The following BEGAIN variants were observed in gnomAD, a reference collection of about 807,000 sequenced individuals.
BEGAIN encodes the protein brain enriched guanylate kinase associated.
A neutral mutation model predicts 35.8 loss-of-function variants in BEGAIN; 19 were observed. That is an observed-to-expected ratio of 0.53 (90% CI 0.37 to 0.78). The LOEUF (loss-of-function observed/expected upper bound fraction) is 0.78. BEGAIN is among the 30% of genes least tolerant of loss of function. BEGAIN has a pLI of 0.00. For synonymous variants in BEGAIN, 462 were observed against 388.6 expected (o/e 1.19, Z -2.22); for missense variants, 795 against 853.6 (o/e 0.93, Z 0.85).
chr14:100,562,979 G>T (rs2034398901), intron 2 of BEGAIN, among the ~76,000 whole-genome samples: 1 of 152,250 alleles, frequency 6.6e-6, no homozygotes. Context: ...GAGCAGCAGG[G>T]CCGGCTCACG....
rs2035451953 is a variant in BEGAIN, at chr14:100,586,683, G to A, written c.42+566C>T. On this transcript the variant is annotated intron_variant, in intron 1 of 6. Transcript: ENST00000554140. The surrounding 1 kb of genome is among the most constrained non-coding windows in gnomAD (Gnocchi z 4.9). ...AGTTTCCTCGCCTGTAAAGGGGCAG[G>A]AGGATAGTACCTGCCGCGAGGTACT... 6.6e-6 allele frequency among the ~76,000 whole-genome samples: 1 copy of A among 152,214 alleles called. No homozygotes were observed. Among genetic ancestry groups the A allele is most frequent in the African/African-American group, 2.4e-5 (1 of 41,472 alleles).
rs534760078 is a variant in BEGAIN, at chr14:100,577,595, G to A, written c.42+9654C>T. Reference sequence around the variant, plus strand: ...TCCAGGGTCCCAGGGTCCAGAACCCGCACAGTGACCTCATCCAGGAACCTG... The same window carrying A: ...TCCAGGGTCCCAGGGTCCAGAACCCACACAGTGACCTCATCCAGGAACCTG... On this transcript the variant is annotated intron_variant, in intron 1 of 6. Coordinates refer to ENST00000554140, the MANE Select transcript of BEGAIN (RefSeq NM_001385089.1). 58 of 399,080 alleles carry A rather than the reference G, an allele frequency of 1.5e-4. No individual in the cohort carries two copies. The South Asian group carries it at 6.5e-3, about 45-fold the overall frequency. 24.7% of individuals were successfully genotyped at this position (399,080 alleles called of 1,614,324 possible).
intron 2 of BEGAIN, chr14:100,550,658 A>ACTT (rs1008152976): frequency 1.6e-4 from 61 of 376,118 alleles, no homozygotes; most frequent in African/African-American, 1.2e-3. Context: ...TGCCAGGAAA[A>ACTT]CTTGTCATCT....
chr14:100,547,533 G>A (rs2032688961), intron 2 of BEGAIN: 1 of 152,296 alleles, frequency 6.6e-6, no homozygotes, highest in Admixed American at 6.5e-5. Flanking sequence ...AGGGTAGTGT[G>A]GGGGCCTCCA....
chr14:100,559,935 T>C (rs573808069), intron 2 of BEGAIN, among the ~76,000 whole-genome samples: 1 of 152,264 alleles, frequency 6.6e-6, no homozygotes, highest in East Asian at 1.9e-4. Flanking sequence ...AGAGCTGGGG[T>C]CACTGGTGGC....
At chr14:100,546,804 A>G (rs1406250375) in intron 2 of BEGAIN, 142 bp from the exon 3 acceptor site, 8 of 632,864 alleles carry the variant, frequency 1.3e-5, no homozygotes, top group Admixed American at 4.2e-5. Context: ...ACACACACAC[A>G]CACACACACT....
At chr14:100,576,232 C>T (rs967318171) in intron 1 of BEGAIN, among the ~76,000 whole-genome samples, 8 of 152,144 alleles carry the variant, frequency 5.3e-5, no homozygotes, top group African/African-American at 1.2e-4. Flanking sequence ...TCCCACCCAC[C>T]GGCCTGTCCC....
intron 2 of BEGAIN, among the ~76,000 whole-genome samples, chr14:100,564,436 C>T (rs535410714): frequency 1.1e-3 from 172 of 152,028 alleles, no homozygotes; most frequent in African/African-American, 4.0e-3. Context: ...CCCAGCAGCA[C>T]GCTGCAGGAG....
At chr14:100,578,195 G>C (rs1271870143) in intron 1 of BEGAIN, among the ~76,000 whole-genome samples, 1 of 152,234 alleles carries the variant, frequency 6.6e-6, no homozygotes, top group Non-Finnish European at 1.5e-5. Context: ...GCTAGAGAGG[G>C]GAAGGTCGTG....
intron 1 of BEGAIN, chr14:100,569,077 A>T: frequency 2.6e-6 from 1 of 382,724 alleles, no homozygotes; most frequent in Non-Finnish European, 3.6e-6. Flanking sequence ...GGCCTCGGCC[A>T]GGCTCGGCCA....
chr14:100,540,420 G>A, intron 6 of BEGAIN, 76 bp downstream of exon 6: 1 of 1,124,638 alleles, frequency 8.9e-7, no homozygotes, highest in Non-Finnish European at 1.3e-6. Context: ...ATGGGAAATG[G>A]CTTTGGGGTA....
In BEGAIN at chr14:100,567,077, G is replaced by A. The variant is rs181776207; in HGVS notation, c.71+834C>T. On this transcript the variant is annotated intron_variant, in intron 2 of 6. Coordinates refer to ENST00000554140, the MANE Select transcript of BEGAIN (RefSeq NM_001385089.1). This position sits in a 1 kb window ranked among gnomAD's most constrained non-coding sequence, Gnocchi z 5.1. ...GGCCTCGGGAGGGAGTGGCGAGGAC[G>A]GAGACCCTGTGGGCCAGGGGAGACA... is the stretch of plus-strand genomic sequence containing the variant. Among the ~76,000 whole-genome samples, 18 of 152,270 alleles carry A rather than the reference G, an allele frequency of 1.2e-4. No individual in the cohort carries two copies. The highest frequency in any genetic ancestry group is 4.6e-4 in the Admixed American group (7 of 15,308).
In BEGAIN at chr14:100,568,059, G is replaced by T. The variant is rs878946292; in HGVS notation, c.43-120C>A. ...CCCCGCGGGGCCCCGTCCGTGGGAA[G>T]CCCGGCGCCGCGCGTCCCCAGCTTC... On this transcript the variant is annotated intron_variant, in intron 1 of 6. Transcript: ENST00000554140. This position sits in a 1 kb window ranked among gnomAD's most constrained non-coding sequence, Gnocchi z 7.5. 5.6e-5 allele frequency: 62 copies of T among 1,102,328 alleles called. 1 individual carries two copies. The South Asian group carries it at 2.2e-3, about 38-fold the overall frequency. The allele number at this position is 1,102,328 out of a possible 1,614,324, so 68.3% of individuals were successfully genotyped here.
Position 100,546,539 on chromosome 14 carries a change from C to T in BEGAIN, c.195G>A (p.Ala65=), listed in dbSNP as rs779606511. Residue 65 remains alanine, a synonymous_variant, in exon 3 of 7, where the codon GCG becomes GCA. Coordinates refer to ENST00000554140, the MANE Select transcript of BEGAIN (RefSeq NM_001385089.1). ...RHYLEIELRR[A]QEELEKVTEK... is the part of the protein sequence containing the mutation. Reference sequence around the variant, plus strand: ...CCGTGACCTTCTCCAGTTCCTCCTGCGCGCGCCGCAGCTCGATCTCCAGGT... The same window carrying T: ...CCGTGACCTTCTCCAGTTCCTCCTGTGCGCGCCGCAGCTCGATCTCCAGGT... The T allele has an allele frequency of 9.5e-6, 15 of 1,577,646 alleles. No individual in the cohort carries two copies. The highest frequency in any genetic ancestry group is 1.8e-5 in the Admixed American group (1 of 56,476).
intron 2 of BEGAIN, among the ~76,000 whole-genome samples, chr14:100,560,867 C>T (rs1436923625): frequency 2.0e-5 from 3 of 152,226 alleles, no homozygotes; most frequent in Non-Finnish European, 2.9e-5. Flanking sequence ...CACGAGCTGC[C>T]CTCGACACGA....
chr14:100,558,950 G>T lies in BEGAIN; in HGVS notation c.71+8961C>A, dbSNP rs115031324. 3.2e-3 allele frequency among the ~76,000 whole-genome samples: 493 copies of T among 152,244 alleles called. 1 individual carries two copies. Among genetic ancestry groups the T allele is most frequent in the African/African-American group, 0.012 (480 of 41,550 alleles). ...CGGTGGGGCCAGGGCGCGTCCTGGA[G>T]ATTGGTGTGGCCGGAGCCTGGGGCC... On this transcript the variant is annotated intron_variant, in intron 2 of 6. Coordinates refer to ENST00000554140, the MANE Select transcript of BEGAIN (RefSeq NM_001385089.1). This position sits in a 1 kb window ranked among gnomAD's most constrained non-coding sequence, Gnocchi z 4.6.
intron 1 of BEGAIN, among the ~76,000 whole-genome samples, chr14:100,576,352 C>T (rs1273538923): frequency 6.6e-6 from 1 of 152,204 alleles, no homozygotes; most frequent in South Asian, 2.1e-4. Context: ...CTCCACCTCC[C>T]TCCTCCTCCA....
At chr14:100,545,537 A>C in intron 3 of BEGAIN, 3 of 687,748 alleles carry the variant, frequency 4.4e-6, no homozygotes, top group Non-Finnish European at 5.4e-6. Flanking sequence ...GCCGGGTAGG[A>C]GGAGTGGAGC....
chr14:100,537,981 G>C lies in BEGAIN; in HGVS notation c.1827C>G (p.Thr609=). The change falls in exon 7 of 7, where the codon ACC becomes ACG. Residue 609 remains threonine, a synonymous_variant. Transcript: ENST00000554140. Reference sequence around the variant, plus strand: ...TGCACGCAGGCGCTCAGTTGAGCAAGGTTCCGTAGAGCTGGGCCTTGGTGA... The same window carrying C: ...TGCACGCAGGCGCTCAGTTGAGCAACGTTCCGTAGAGCTGGGCCTTGGTGA... ...DSLTKAQLYG[T]LLN 1.2e-6 allele frequency: 2 copies of C among 1,608,554 alleles called. No individual in the cohort carries two copies. The highest frequency in any genetic ancestry group is 1.7e-6 in the Non-Finnish European group (2 of 1,178,448).
Sources: gnomAD v4.1 joint callset for allele counts (sites outside exome capture counted in the v4.1 genomes callset) on GRCh38, gnomAD v4.1.1 for gene constraint, Gnocchi (gnomAD v3.1) non-coding constraint, MANE v1.5 for transcripts, NCBI Gene and HGNC (gene_info 2026-07-23, HGNC 2026-07-21) for gene names.